AKAP9: variants seen among roughly 807,000 people sequenced by gnomAD.
AKAP9 encodes the protein A-kinase anchoring protein 9, also known as A-kinase anchor protein 9.
A neutral mutation model predicts 488.5 loss-of-function variants in AKAP9; 311 were observed. That is an observed-to-expected ratio of 0.64 (90% CI 0.58 to 0.70). The LOEUF is 0.70. Ranked by LOEUF, AKAP9 falls within the 30% of genes least tolerant of loss-of-function variation. The pLI, the probability that AKAP9 is intolerant of heterozygous loss-of-function variation, is 0.00. For missense variants in AKAP9, 4,215 were observed against 4,374.5 expected (o/e 0.96, Z 1.03); for synonymous variants, 1,462 against 1,483.5 (o/e 0.99, Z 0.33).
At chr7:92,089,197 A>G (rs1815105825) in intron 37 of AKAP9, among the ~76,000 whole-genome samples, 188 bp from the exon 38 acceptor site, 2 of 152,194 alleles carry the variant, frequency 1.3e-5, no homozygotes, top group Non-Finnish European at 2.9e-5. Context: ...ACACTCTGGT[A>G]TTTAGAGGTA....
intron 3 of AKAP9, among the ~76,000 whole-genome samples, chr7:91,983,503 A>G (rs924141184): frequency 6.6e-6 from 1 of 152,186 alleles, no homozygotes; most frequent in Non-Finnish European, 1.5e-5. Context: ...ATAGTGCCGC[A>G]ATAAACATAG....
chr7:91,958,998 C>T (rs983362048), intron 1 of AKAP9, among the ~76,000 whole-genome samples: 4 of 152,046 alleles, frequency 2.6e-5, no homozygotes, highest in East Asian at 1.9e-4. Context: ...GACCCTCCCA[C>T]CTCAGCCTGC....
chr7:92,070,007 A>G, intron 26 of AKAP9, 23 bp from the exon 27 acceptor site: 1 of 1,604,424 alleles, frequency 6.2e-7, no homozygotes, highest in African/African-American at 1.3e-5. Context: ...TTTAAATTAA[A>G]TTTTTTGCCT....
chr7:92,001,849 A>G lies in AKAP9; in HGVS notation c.1932A>G (p.Leu644=). The change falls in exon 8 of 50, where the codon TTA becomes TTG. Residue 644 remains leucine (L), a synonymous_variant. Coordinates refer to ENST00000356239, the MANE Select transcript of AKAP9 (RefSeq NM_005751.5). Reference sequence around the variant, plus strand: ...AGCTTTCCAAACTGAAGGAAGATTTAGAAATTGAACATCGAATAAATATTG... The same window carrying G: ...AGCTTTCCAAACTGAAGGAAGATTTGGAAATTGAACATCGAATAAATATTG... ...EEELSKLKED[L]EIEHRINIEK... 6.2e-7 allele frequency: 1 copy of G among 1,613,464 alleles called. No individual in the cohort carries two copies. Among genetic ancestry groups the G allele is most frequent in the Non-Finnish European group, 8.5e-7 (1 of 1,179,566 alleles).
rs34494828 is a variant in AKAP9, at chr7:92,041,004, AT to A, written c.4917+121del. The stretch of plus-strand genomic sequence containing the variant: ...CAACAGTATTTTTTATGTAGCCATA[AT>A]TTTTTTTTTTTTTTGCCGAAATCTG... On this transcript the variant is annotated intron_variant, in intron 18 of 49. Coordinates refer to ENST00000356239, the MANE Select transcript of AKAP9 (RefSeq NM_005751.5). The A allele has an allele frequency of 0.12, 84,932 of 723,818 alleles. 6 individuals carry two copies. The highest frequency in any genetic ancestry group is 0.21 in the East Asian group (6,660 of 32,112). 44.8% of individuals were successfully genotyped at this position (723,818 alleles called of 1,614,324 possible).
At position 92,091,028 on chromosome 7, in the gene AKAP9, G is replaced by C. The variant is rs956718339; in HGVS notation, c.9358+1499G>C. On this transcript the variant is annotated intron_variant, in intron 38 of 49. Transcript: ENST00000356239. ...TTGGCTGTTCTCTAGTTCCTGAAGG[G>C]TTTAGTCCTTTTTCATATGGTAATT... 3.3e-5 allele frequency among the ~76,000 whole-genome samples: 5 copies of C among 152,276 alleles called. No individual in the cohort carries two copies. The South Asian group carries it at 1.0e-3, about 32-fold the overall frequency.
At chr7:92,087,898 A>T (rs1023025098) in intron 37 of AKAP9, among the ~76,000 whole-genome samples, 1 of 150,956 alleles carries the variant, frequency 6.6e-6, no homozygotes, top group African/African-American at 2.4e-5. Flanking sequence ...TATATATATA[A>T]ATAAATAAAT....
intron 1 of AKAP9, among the ~76,000 whole-genome samples, chr7:91,960,281 G>A (rs1183735977): frequency 6.6e-6 from 1 of 152,092 alleles, no homozygotes; most frequent in Non-Finnish European, 1.5e-5. Context: ...TTTCTCTCCA[G>A]TCTTGTCAAA....
intron 20 of AKAP9, chr7:92,043,445 T>G: frequency 2.5e-4 from 153 of 612,466 alleles, no homozygotes; most frequent in Middle Eastern, 8.3e-4. Context: ...TATTTATCTC[T>G]AATTGGTAAA....
chr7:91,971,324 T>C (rs1034982239), intron 1 of AKAP9, among the ~76,000 whole-genome samples: 2 of 152,172 alleles, frequency 1.3e-5, no homozygotes, highest in African/African-American at 2.4e-5. Context: ...TCTTTTTGAT[T>C]TATAAAAAAC....
chr7:92,093,197 G>T lies in AKAP9; in HGVS notation c.9459G>T (p.Gln3153His). The change falls in exon 39 of 50, where the codon CAG becomes CAT. Residue 3153 changes from glutamine to histidine, a missense_variant. Physicochemically the swap from Gln to His is conservative, Grantham distance 24. Transcript: ENST00000356239. ...ACAGAGCAACGGAACTGCAGGAGCAGCTGAGTTCTGAGAAAATGGTGGTTG... is the reference window on the plus strand; with the variant it reads ...ACAGAGCAACGGAACTGCAGGAGCATCTGAGTTCTGAGAAAATGGTGGTTG... ...MKDRATELQE[Q>H]LSSEKMVVAE... is the part of the protein sequence containing the mutation. The T allele has an allele frequency of 2.5e-6, 4 of 1,614,182 alleles. No individual in the cohort carries two copies. Among genetic ancestry groups the T allele is most frequent in the Non-Finnish European group, 3.4e-6 (4 of 1,180,014 alleles).
intron 38 of AKAP9, chr7:92,092,542 A>G (rs1379744314): frequency 1.3e-5 from 2 of 152,076 alleles, no homozygotes; most frequent in East Asian, 3.9e-4. Context: ...GCATCCATTA[A>G]TGTATTCTCT....
intron 8 of AKAP9, among the ~76,000 whole-genome samples, chr7:92,004,359 A>G (rs1330038154): frequency 6.6e-6 from 1 of 152,190 alleles, no homozygotes; most frequent in African/African-American, 2.4e-5. Context: ...TTCTGTGAAG[A>G]AAGTCATTCC....
intron 14 of AKAP9, among the ~76,000 whole-genome samples, chr7:92,026,307 G>A (rs967130688): frequency 7.2e-5 from 11 of 151,872 alleles, no homozygotes; most frequent in Admixed American, 5.9e-4. Flanking sequence ...GAATGAAGTC[G>A]CTCTCCCTCT....
At chr7:92,046,284 C>A (rs1476796065) in intron 21 of AKAP9, among the ~76,000 whole-genome samples, 1 of 152,154 alleles carries the variant, frequency 6.6e-6, no homozygotes, top group African/African-American at 2.4e-5. Context: ...ACTCCTGGCT[C>A]ACAAGATCAA....
intron 15 of AKAP9, among the ~76,000 whole-genome samples, chr7:92,030,299 A>G (rs1804002963): frequency 6.6e-6 from 1 of 152,188 alleles, no homozygotes; most frequent in African/African-American, 2.4e-5. Context: ...GCCCTGGTCA[A>G]CAAAGCTTTG....
At position 92,101,032 on chromosome 7, in the gene AKAP9, T is replaced by C; in HGVS notation, c.11073T>C (p.Pro3691=). 1 of 1,613,940 alleles carries C rather than the reference T, an allele frequency of 6.2e-7. No homozygotes were observed. Among genetic ancestry groups the C allele is most frequent in the South Asian group, 1.1e-5 (1 of 91,076 alleles). Residue 3691 remains proline, a synonymous_variant, in exon 45 of 50, where the codon CCT becomes CCC. Transcript: ENST00000356239. ...RNDSLLQTLS[P]DSEHVTLKRI... is the part of the protein sequence containing the mutation. ...ACTCTTTACTTCAAACTCTGAGCCC[T>C]GATTCTGAACATGTCACTTTAAAGG...
chr7:92,073,915 C>T (rs1159179473), intron 28 of AKAP9, among the ~76,000 whole-genome samples: 2 of 152,160 alleles, frequency 1.3e-5, no homozygotes, highest in Admixed American at 1.3e-4. Flanking sequence ...ACCATAAAAA[C>T]CCTAGAAGAA....
At chr7:92,108,887 C>T (rs1390938180) in intron 49 of AKAP9, 24 of 522,138 alleles carry the variant, frequency 4.6e-5, no homozygotes, top group African/African-American at 3.8e-5. Flanking sequence ...GTTCATTCAG[C>T]GGACTGATGA....
Sources: allele counts gnomAD v4.1 joint callset (sites outside exome capture counted in the v4.1 genomes callset), GRCh38; gene constraint gnomAD v4.1.1; transcripts MANE v1.5; gene names NCBI Gene and HGNC (gene_info 2026-07-23, HGNC 2026-07-21).